Variants in TTC7B observed in about 807,000 individuals in gnomAD.
TTC7B encodes tetratricopeptide repeat protein 7B.
In TTC7B, 28 loss-of-function variants were observed where a neutral mutation model predicts 106.8. The observed-to-expected ratio is 0.26, with a 90% confidence interval of 0.19 to 0.36. The LOEUF is 0.36. TTC7B is among the 10% of genes least tolerant of loss of function. The pLI is 1.00. For missense variants in TTC7B, 862 were observed against 1,076.4 expected (o/e 0.80, Z 2.79); for synonymous variants, 405 against 430.6 (o/e 0.94, Z 0.74).
intron 19 of TTC7B, among the ~76,000 whole-genome samples, chr14:90,559,371 G>A (rs1046681262): frequency 2.6e-5 from 4 of 152,270 alleles, no homozygotes; most frequent in African/African-American, 9.6e-5. Context: ...CTTTGCGAAT[G>A]CAGTGGCGGT....
chr14:90,789,240 A>G (rs1013244199), intron 1 of TTC7B, among the ~76,000 whole-genome samples: 1 of 152,048 alleles, frequency 6.6e-6, no homozygotes, highest in African/African-American at 2.4e-5. Flanking sequence ...CTGGGATTAC[A>G]GGCACCCACC....
At chr14:90,611,915 T>C (rs1424070009) in intron 16 of TTC7B, among the ~76,000 whole-genome samples, 1 of 152,238 alleles carries the variant, frequency 6.6e-6, no homozygotes, top group African/African-American at 2.4e-5. Context: ...TCAATGCTTT[T>C]CTTTGAATCT....
At chr14:90,675,656 G>A (rs1023185348) in intron 9 of TTC7B, among the ~76,000 whole-genome samples, 12 of 152,218 alleles carry the variant, frequency 7.9e-5, no homozygotes, top group African/African-American at 2.7e-4. Flanking sequence ...GCACTGGCAG[G>A]CTAGAGGGTG....
chr14:90,586,114 G>A (rs984222371), intron 18 of TTC7B, among the ~76,000 whole-genome samples: 6 of 152,196 alleles, frequency 3.9e-5, no homozygotes, highest in African/African-American at 1.4e-4. Flanking sequence ...GTGTGGCGGG[G>A]CCAGGGTTGT....
At chr14:90,719,978 C>G (rs1888825280) in intron 5 of TTC7B, among the ~76,000 whole-genome samples, 1 of 151,944 alleles carries the variant, frequency 6.6e-6, no homozygotes, top group South Asian at 2.1e-4. Flanking sequence ...CTGCCCAACA[C>G]AAATTCACAA....
intron 9 of TTC7B, among the ~76,000 whole-genome samples, chr14:90,661,716 C>T (rs1053430804): frequency 1.3e-4 from 20 of 152,244 alleles, no homozygotes; most frequent in African/African-American, 4.8e-4. Flanking sequence ...TTAGTAAGTA[C>T]TTAAACACTA....
Position 90,534,625 on chromosome 14 carries a change from T to C in TTC7B, c.*6743A>G, listed in dbSNP as rs371338018. On this transcript the variant is annotated 3_prime_UTR_variant, in exon 20 of 20. Transcript: ENST00000328459. Reference sequence around the variant, plus strand: ...GAGCAGGAATGAGAAGGTGGCGATATGGAGAGAGGGGGCCGAGTGGCAGGG... The same window carrying C: ...GAGCAGGAATGAGAAGGTGGCGATACGGAGAGAGGGGGCCGAGTGGCAGGG... The C allele has an allele frequency of 1.3e-4, 20 of 152,188 alleles. No homozygotes were observed. Among genetic ancestry groups the C allele is most frequent in the African/African-American group, 4.8e-4 (20 of 41,308 alleles). 9.4% of individuals were successfully genotyped at this position (152,188 alleles called of 1,614,324 possible).
intron 18 of TTC7B, among the ~76,000 whole-genome samples, chr14:90,589,258 A>G (rs1388330100): frequency 6.6e-6 from 1 of 152,238 alleles, no homozygotes; most frequent in Non-Finnish European, 1.5e-5. Context: ...TACAGATAAA[A>G]AAAAATACAC....
intron 15 of TTC7B, among the ~76,000 whole-genome samples, chr14:90,631,037 T>G: frequency 6.6e-6 from 1 of 152,186 alleles, no homozygotes; most frequent in East Asian, 1.9e-4. Context: ...GGTTTCACTG[T>G]GTTAGCTAGG....
rs1292896434 is a variant in TTC7B at position 90,802,079 on chromosome 14, AAAAAG to A, written c.121+14091_121+14095del. Among the ~76,000 whole-genome samples the A allele has an allele frequency of 6.6e-6, 1 of 152,008 alleles. No individual in the cohort carries two copies. The highest frequency in any genetic ancestry group is 1.5e-5 in the Non-Finnish European group (1 of 67,980). ...CTCCATCTCAGGAAGGAAAAAAAAA[AAAAAG>A]AAAGAAAGAAAGCAGCTGGAACATC... On this transcript the variant is annotated intron_variant, in intron 1 of 19. Coordinates refer to ENST00000328459, the MANE Select transcript of TTC7B (RefSeq NM_001010854.2). The surrounding 1 kb of genome is among the most constrained non-coding windows in gnomAD (Gnocchi z 4.7).
intron 6 of TTC7B, 49 bp downstream of exon 6, chr14:90,695,451 A>G (rs374168369): frequency 1.8e-6 from 2 of 1,112,776 alleles, no homozygotes; most frequent in African/African-American, 1.7e-5. Flanking sequence ...GTAAATACCT[A>G]TGAGACAAGT....
chr14:90,792,645 G>A (rs1205550229), intron 1 of TTC7B, among the ~76,000 whole-genome samples: 2 of 152,080 alleles, frequency 1.3e-5, no homozygotes, highest in Non-Finnish European at 2.9e-5. Flanking sequence ...GGAGAAAAAA[G>A]TTTTTCCTCA....
chr14:90,713,308 G>A (rs532213343), intron 5 of TTC7B, among the ~76,000 whole-genome samples: 1 of 152,152 alleles, frequency 6.6e-6, no homozygotes, highest in South Asian at 2.1e-4. Context: ...TAGAGACAGG[G>A]TTTCACCATT....
chr14:90,735,474 T>C (rs1395375502), intron 4 of TTC7B, among the ~76,000 whole-genome samples: 2 of 149,996 alleles, frequency 1.3e-5, no homozygotes, highest in Non-Finnish European at 3.0e-5. Flanking sequence ...ACCACTGCAC[T>C]CCAGCCTGGG....
rs970721432 is a variant in TTC7B at position 90,807,680 on chromosome 14, A to G, written c.121+8495T>C. ...TGTGGTTCAGAGCAAAGGCTCCCAC[A>G]CTTGCCTACTCAAACTAACTGAGGC... On this transcript the variant is annotated intron_variant, in intron 1 of 19. Coordinates refer to ENST00000328459, the MANE Select transcript of TTC7B (RefSeq NM_001010854.2). The surrounding 1 kb of genome is among the most constrained non-coding windows in gnomAD (Gnocchi z 4.1). Among the ~76,000 whole-genome samples the G allele has an allele frequency of 2.0e-5, 3 of 152,216 alleles. No homozygotes were observed. Among genetic ancestry groups the G allele is most frequent in the Non-Finnish European group, 2.9e-5 (2 of 68,046 alleles).
chr14:90,609,129 C>A (rs954339697), intron 17 of TTC7B, among the ~76,000 whole-genome samples: 1 of 152,208 alleles, frequency 6.6e-6, no homozygotes, highest in African/African-American at 2.4e-5. Flanking sequence ...TGGGATGATG[C>A]AGAACTCTGC....
chr14:90,746,047 T>C (rs897072433), intron 3 of TTC7B, among the ~76,000 whole-genome samples: 1 of 152,184 alleles, frequency 6.6e-6, no homozygotes, highest in Non-Finnish European at 1.5e-5. Flanking sequence ...TGCCTAAAGT[T>C]TCCTTCAAAT....
rs188771418 is a variant in TTC7B, at chr14:90,623,946, A to G, written c.1752-5901T>C. On this transcript the variant is annotated intron_variant, in intron 15 of 19. Coordinates refer to ENST00000328459, the MANE Select transcript of TTC7B (RefSeq NM_001010854.2). ...TGAGGCAGAAGAATTGTTTGGACCC[A>G]GGAGGCGGAGGTTGCAGTGAACCAA... 1.6e-4 allele frequency among the ~76,000 whole-genome samples: 25 copies of G among 152,354 alleles called. 1 individual carries two copies. In the East Asian group the frequency reaches 4.8e-3, roughly 29 times the overall value.
intron 15 of TTC7B, among the ~76,000 whole-genome samples, chr14:90,639,324 A>G (rs1286428): frequency 0.049 from 7,473 of 152,300 alleles, 594 homozygotes; most frequent in African/African-American, 0.17. Context: ...AAGACTTGTA[A>G]CCAAAATACA....
Sources: allele counts gnomAD v4.1 joint callset (sites outside exome capture counted in the v4.1 genomes callset), GRCh38; gene constraint gnomAD v4.1.1; non-coding constraint Gnocchi (gnomAD v3.1); transcripts MANE v1.5; gene names NCBI Gene and HGNC (gene_info 2026-07-23, HGNC 2026-07-21).